SLC9A9: variants seen among roughly 807,000 people sequenced by gnomAD.
The protein encoded by SLC9A9 is solute carrier family 9 member A9.
SLC9A9 carries 62 observed loss-of-function variants against 77.8 expected under a neutral mutation model. The ratio of observed to expected loss-of-function variants is 0.80; its 90% CI spans 0.65 to 0.98. The LOEUF (loss-of-function observed/expected upper bound fraction) is 0.98, where lower values mean the gene tolerates loss of function less well. Among genes scored for constraint, SLC9A9 ranks in the 50% least tolerant of loss-of-function variants. The pLI is 0.00. For synonymous variants in SLC9A9, 320 were observed against 283.5 expected, an observed-to-expected ratio of 1.13 and a Z score of -1.29; for missense variants, 775 against 774.9, an observed-to-expected ratio of 1.00 and a Z score of 0.00.
At chr3:143,306,041 C>A (rs1290160096) in intron 14 of SLC9A9, among the ~76,000 whole-genome samples, 1 of 151,880 alleles carries the variant, frequency 6.6e-6, no homozygotes. Flanking sequence ...CCTGAAAAAT[C>A]ATAAAAATGG....
chr3:143,630,888 AACCTT>A (rs1324317682), intron 6 of SLC9A9, among the ~76,000 whole-genome samples: 1 of 152,146 alleles, frequency 6.6e-6, no homozygotes, highest in Non-Finnish European at 1.5e-5. Flanking sequence ...ATGTCAAACT[AACCTT>A]AAATACACAA....
chr3:143,741,000 T>G (rs908297189), intron 4 of SLC9A9, among the ~76,000 whole-genome samples: 1 of 152,194 alleles, frequency 6.6e-6, no homozygotes, highest in Non-Finnish European at 1.5e-5. Flanking sequence ...CAGCAAGAAC[T>G]CATGTTTAAC....
chr3:143,625,302 G>A (rs2038299846), intron 6 of SLC9A9, among the ~76,000 whole-genome samples: 1 of 152,154 alleles, frequency 6.6e-6, no homozygotes. Context: ...AGCCCGCATT[G>A]CCAAGTCAAT....
intron 14 of SLC9A9, among the ~76,000 whole-genome samples, chr3:143,337,185 C>G (rs1162215216): frequency 6.6e-6 from 1 of 152,126 alleles, no homozygotes; most frequent in Non-Finnish European, 1.5e-5. Flanking sequence ...ATTGCTTGCT[C>G]AATACCAAGG....
intron 5 of SLC9A9, among the ~76,000 whole-genome samples, chr3:143,671,160 T>C (rs1413097463): frequency 6.6e-6 from 1 of 152,194 alleles, no homozygotes; most frequent in African/African-American, 2.4e-5. Context: ...ATGGCTGCTA[T>C]CACTAGATAA....
At chr3:143,587,830 C>A (rs2037569402) in intron 6 of SLC9A9, among the ~76,000 whole-genome samples, 2 of 152,160 alleles carry the variant, frequency 1.3e-5, no homozygotes, top group African/African-American at 4.8e-5. Context: ...TAAACGAGAC[C>A]TGACAAATAA....
chr3:143,496,240 G>C (rs1026432484), intron 9 of SLC9A9, among the ~76,000 whole-genome samples: 5 of 152,134 alleles, frequency 3.3e-5, no homozygotes, highest in Admixed American at 2.0e-4. Context: ...CATGAAAAAC[G>C]TTCTCCAACT....
chr3:143,549,241 A>G (rs997267495), intron 9 of SLC9A9, among the ~76,000 whole-genome samples: 1 of 152,212 alleles, frequency 6.6e-6, no homozygotes, highest in Non-Finnish European at 1.5e-5. Context: ...ACTAGTGCAG[A>G]GCCTGTAGTG....
intron 12 of SLC9A9, among the ~76,000 whole-genome samples, chr3:143,406,376 C>T (rs1305156290): frequency 6.6e-6 from 1 of 151,740 alleles, no homozygotes; most frequent in Admixed American, 6.6e-5. Context: ...TTTTATTTTT[C>T]CTGTATCTTT....
At position 143,616,385 on chromosome 3, in the gene SLC9A9, A is replaced by G. The variant is rs2038107661; in HGVS notation, c.755+35870T>C. 2.0e-5 allele frequency among the ~76,000 whole-genome samples: 3 copies of G among 152,328 alleles called. No homozygotes were observed. The South Asian group carries it at 6.2e-4, about 32-fold the overall frequency. On this transcript the variant is annotated intron_variant, in intron 6 of 15. Coordinates refer to ENST00000316549, the MANE Select transcript of SLC9A9 (RefSeq NM_173653.4). ...AAGGAGGAGAAAGCTTTTTAAAAAC[A>G]TCCCCAAACACCAAAAACACCCCCA...
chr3:143,665,336 G>C (rs148323174), intron 5 of SLC9A9, among the ~76,000 whole-genome samples: 2,177 of 152,284 alleles, frequency 0.014, 58 homozygotes, highest in African/African-American at 0.049. Context: ...ATTTAAAGCA[G>C]TGTGTAGAAG....
At chr3:143,365,841 T>C (rs2032886313) in intron 13 of SLC9A9, among the ~76,000 whole-genome samples, 1 of 152,216 alleles carries the variant, frequency 6.6e-6, no homozygotes, top group African/African-American at 2.4e-5. Context: ...GTCAACAGCA[T>C]ATTGGGGTTC....
intron 12 of SLC9A9, among the ~76,000 whole-genome samples, chr3:143,400,887 C>T (rs1314812181): frequency 6.6e-6 from 1 of 152,054 alleles, no homozygotes; most frequent in Non-Finnish European, 1.5e-5. Flanking sequence ...AGAGTGAGTG[C>T]TTCCTTAGAT....
chr3:143,485,031 A>G (rs994866434), intron 11 of SLC9A9, among the ~76,000 whole-genome samples: 4 of 152,212 alleles, frequency 2.6e-5, no homozygotes, highest in African/African-American at 9.7e-5. Context: ...AGGCTTGGGA[A>G]GTAATTGTGG....
chr3:143,635,462 A>G (rs2082664707), intron 6 of SLC9A9, among the ~76,000 whole-genome samples: 1 of 152,192 alleles, frequency 6.6e-6, no homozygotes, highest in South Asian at 2.1e-4. Flanking sequence ...CTGTCACCAA[A>G]TCTGTTATTT....
chr3:143,592,871 T>A (rs2037675019), intron 6 of SLC9A9, among the ~76,000 whole-genome samples: 1 of 152,094 alleles, frequency 6.6e-6, no homozygotes, highest in South Asian at 2.1e-4. Flanking sequence ...CATGGCTAGA[T>A]CTTCAAAAGA....
chr3:143,290,995 G>T (rs2029928703), intron 14 of SLC9A9, among the ~76,000 whole-genome samples: 1 of 152,170 alleles, frequency 6.6e-6, no homozygotes, highest in African/African-American at 2.4e-5. Context: ...CACAGTTGAT[G>T]CTCAAAAATG....
At chr3:143,794,121 C>T (rs2008301800) in intron 4 of SLC9A9, among the ~76,000 whole-genome samples, 1 of 152,330 alleles carries the variant, frequency 6.6e-6, no homozygotes, top group East Asian at 1.9e-4. Flanking sequence ...AGTAAAGACA[C>T]CGCCTGACAC....
intron 9 of SLC9A9, among the ~76,000 whole-genome samples, chr3:143,541,072 C>A (rs1055549153): frequency 1.3e-5 from 2 of 152,196 alleles, no homozygotes; most frequent in Non-Finnish European, 2.9e-5. Flanking sequence ...GACACCCCTT[C>A]CCCCACCACC....
Sources: gnomAD v4.1 joint callset for allele counts (sites outside exome capture counted in the v4.1 genomes callset) on GRCh38, gnomAD v4.1.1 for gene constraint, MANE v1.5 for transcripts, NCBI Gene and HGNC (gene_info 2026-07-23, HGNC 2026-07-21) for gene names.